Variants in NINL observed in about 807,000 individuals in gnomAD.
The protein encoded by NINL is ninein-like protein.
Under a neutral mutation model 160.3 loss-of-function variants are expected in NINL, and 153 were observed. That is an observed-to-expected ratio of 0.95 (90% confidence interval 0.84 to 1.09). The LOEUF (loss-of-function observed/expected upper bound fraction) is 1.09. Among genes scored for constraint, NINL ranks in the 50% least tolerant of loss-of-function variants. The pLI is 0.00. For missense variants in NINL, 1,829 were observed against 1,764.0 expected, an observed-to-expected ratio of 1.04 and a Z score of -0.66; for synonymous variants, 800 against 734.8, an observed-to-expected ratio of 1.09 and a Z score of -1.43.
chr20:25,560,071 A>C (rs921500780), intron 1 of NINL, among the ~76,000 whole-genome samples: 9 of 152,082 alleles, frequency 5.9e-5, no homozygotes, highest in African/African-American at 2.2e-4. Context: ...CCAGACTCCC[A>C]AGTAGCTGGG....
intron 17 of NINL, 46 bp from the exon 18 acceptor site, chr20:25,470,141 A>C: frequency 6.7e-7 from 1 of 1,501,132 alleles, no homozygotes; most frequent in Non-Finnish European, 9.3e-7. Flanking sequence ...GGGGAGCCAC[A>C]TGTGGTCACG....
intron 2 of NINL, among the ~76,000 whole-genome samples, chr20:25,519,442 A>C (rs1487965576): frequency 6.6e-6 from 1 of 152,252 alleles, no homozygotes; most frequent in East Asian, 1.9e-4. Flanking sequence ...TATTTAAAAT[A>C]CATCTTTAGA....
intron 9 of NINL, 104 bp downstream of exon 9, chr20:25,498,106 G>C: frequency 7.3e-7 from 1 of 1,368,892 alleles, no homozygotes; most frequent in Non-Finnish European, 1.0e-6. Flanking sequence ...CTGGCCATGT[G>C]GGGTGGATAA....
chr20:25,553,468 T>TAA (rs2064828977), intron 1 of NINL, among the ~76,000 whole-genome samples: 1 of 152,198 alleles, frequency 6.6e-6, no homozygotes, highest in Non-Finnish European at 1.5e-5. Flanking sequence ...AAAGGTACTT[T>TAA]CTGATTTTCT....
chr20:25,487,688 G>A (rs754790389), intron 13 of NINL, among the ~76,000 whole-genome samples: 6 of 152,270 alleles, frequency 3.9e-5, no homozygotes, highest in Non-Finnish European at 5.9e-5. Flanking sequence ...AAAGAACCAT[G>A]TGGTGAACGA....
intron 1 of NINL, among the ~76,000 whole-genome samples, chr20:25,529,721 T>C (rs369598265): frequency 6.6e-6 from 1 of 152,126 alleles, no homozygotes; most frequent in East Asian, 1.9e-4. Flanking sequence ...ATGCCTGTAG[T>C]CCCAGCTACT....
At chr20:25,513,030 G>T in intron 3 of NINL, 24 bp from the exon 4 acceptor site, 1 of 1,589,090 alleles carries the variant, frequency 6.3e-7, no homozygotes, top group East Asian at 2.3e-5. Flanking sequence ...AGGAAATTTG[G>T]TGGGGGTCCT....
In NINL at chr20:25,503,994, A is replaced by G; in HGVS notation, c.819T>C (p.Ser273=). 6.2e-7 allele frequency: 1 copy of G among 1,614,104 alleles called. No homozygotes were observed. The highest frequency in any genetic ancestry group is 1.1e-5 in the South Asian group (1 of 91,086). ...FSHEPALLLE[S]STRVKPSKAW... Reference sequence around the variant, plus strand: ...CCTTGCTCGGTTTAACCCGAGTGGAAGACTCTAGAAGTAGCGCGGGCTCAT... The same window carrying G: ...CCTTGCTCGGTTTAACCCGAGTGGAGGACTCTAGAAGTAGCGCGGGCTCAT... Residue 273 remains serine (S), a synonymous_variant, in exon 7 of 24, where the codon TCT becomes TCC. Transcript: ENST00000278886.
At chr20:25,550,713 A>G (rs150418112) in intron 1 of NINL, among the ~76,000 whole-genome samples, 86 of 152,324 alleles carry the variant, frequency 5.6e-4, no homozygotes, top group African/African-American at 1.9e-3. Context: ...CAGTGCAGTA[A>G]AGAGCAGTAT....
chr20:25,572,994 C>G (rs1170791739), intron 1 of NINL, among the ~76,000 whole-genome samples: 1 of 152,122 alleles, frequency 6.6e-6, no homozygotes, highest in Non-Finnish European at 1.5e-5. Flanking sequence ...TTCATGTTGA[C>G]TATAAAGAAA....
intron 10 of NINL, among the ~76,000 whole-genome samples, chr20:25,494,860 G>A (rs912702713): frequency 9.2e-5 from 14 of 152,324 alleles, no homozygotes; most frequent in Admixed American, 7.2e-4. Flanking sequence ...TCCCACCTGA[G>A]GCTCTTGCTC....
chr20:25,552,510 A>C (rs188681488), intron 1 of NINL, among the ~76,000 whole-genome samples: 1 of 152,386 alleles, frequency 6.6e-6, no homozygotes, highest in Admixed American at 6.5e-5. Flanking sequence ...TTGCATGTTT[A>C]TCCTATTAAT....
At chr20:25,467,325 G>T in intron 19 of NINL, 64 bp downstream of exon 19, 3 of 1,303,236 alleles carry the variant, frequency 2.3e-6, no homozygotes, top group Non-Finnish European at 3.3e-6. Flanking sequence ...AGTTTAAAAT[G>T]ATTTCAAAAT....
intron 1 of NINL, among the ~76,000 whole-genome samples, chr20:25,561,068 G>A (rs935399375): frequency 7.4e-5 from 7 of 94,180 alleles, no homozygotes; most frequent in East Asian, 2.4e-4. Context: ...CTCTTTCCAC[G>A]GTCTCCCTCT....
intron 1 of NINL, among the ~76,000 whole-genome samples, chr20:25,573,887 G>T (rs1600368338): frequency 6.6e-6 from 1 of 152,212 alleles, no homozygotes; most frequent in South Asian, 2.1e-4. Context: ...GCAGACAAGA[G>T]CCTGGAGCAT....
At position 25,576,155 on chromosome 20, in the gene NINL, T is replaced by C. The variant is rs538642200; in HGVS notation, c.-12+9300A>G. Among the ~76,000 whole-genome samples the C allele has an allele frequency of 3.3e-5, 5 of 152,338 alleles. No homozygotes were observed. The South Asian group carries it at 1.0e-3, about 32-fold the overall frequency. On this transcript the variant is annotated intron_variant, in intron 1 of 23. Coordinates refer to ENST00000278886, the MANE Select transcript of NINL (RefSeq NM_025176.6). ...GTTTCCAATTCAGAGACAAGCACTG[T>C]ACACGGTTTTCCTGTCCCTTTAAAC... is the stretch of plus-strand genomic sequence containing the variant.
chr20:25,458,350 T>C (rs766827992), intron 22 of NINL, 33 bp downstream of exon 22: 6 of 1,602,846 alleles, frequency 3.7e-6, no homozygotes, highest in Non-Finnish European at 5.1e-6. Context: ...CCTCCTCATC[T>C]CGTCAGCCAT....
At chr20:25,537,709 AGGTGGAG>A (rs1258151771) in intron 1 of NINL, among the ~76,000 whole-genome samples, 2 of 152,194 alleles carry the variant, frequency 1.3e-5, no homozygotes, top group Non-Finnish European at 2.9e-5. Context: ...GGGCTGCTGC[AGGTGGAG>A]GGTGGCTGTG....
At chr20:25,578,345 T>C (rs977666505) in intron 1 of NINL, among the ~76,000 whole-genome samples, 1 of 151,980 alleles carries the variant, frequency 6.6e-6, no homozygotes, top group Non-Finnish European at 1.5e-5. Context: ...TGACCTCAAG[T>C]GATCTGCCCG....
Sources: gnomAD v4.1 joint callset for allele counts (sites outside exome capture counted in the v4.1 genomes callset) on GRCh38, gnomAD v4.1.1 for gene constraint, MANE v1.5 for transcripts, NCBI Gene and HGNC (gene_info 2026-07-23, HGNC 2026-07-21) for gene names.